Variants in PCMTD1 observed in about 807,000 individuals in gnomAD.
The protein encoded by PCMTD1 is protein-L-isoaspartate O-methyltransferase domain-containing protein 1.
PCMTD1 carries 12 observed loss-of-function variants against 37.6 expected under a neutral mutation model. That is an observed-to-expected ratio of 0.32 (90% confidence interval 0.20 to 0.52). The LOEUF is 0.52. PCMTD1 is among the 20% of genes least tolerant of loss of function. PCMTD1 has a pLI of 0.97. For missense variants in PCMTD1, 235 were observed against 421.3 expected (o/e 0.56, Z 3.87); for synonymous variants, 117 against 135.8 (o/e 0.86, Z 0.96).
In PCMTD1 at chr8:51,820,671, G is replaced by A. The variant is rs75748152; in HGVS notation, c.754C>T (p.Arg252Ter). ...TTTATGAAATTTCTAAGTGTGCGTCGAATGTAAATACGAGCCAAGTCCTGT... is the reference window on the plus strand; with the variant it reads ...TTTATGAAATTTCTAAGTGTGCGTCAAATGTAAATACGAGCCAAGTCCTGT... Reference protein sequence around the residue: ...NLQDLARIYIRRTLRNFINDE... With the variant: ...NLQDLARIYI The change falls in exon 6 of 6, where the codon CGA becomes TGA. Residue 252 changes from arginine (R) to a stop codon, truncating the protein, a stop_gained. Coordinates refer to ENST00000522514, the MANE Select transcript of PCMTD1 (RefSeq NM_052937.4). LOFTEE classifies it high-confidence loss of function. 1.9e-6 allele frequency: 3 copies of A among 1,613,494 alleles called. No homozygotes were observed. The highest frequency in any genetic ancestry group is 1.1e-5 in the South Asian group (1 of 90,930).
chr8:51,833,042 G>A (rs201309628), intron 4 of PCMTD1, among the ~76,000 whole-genome samples: 81 of 152,202 alleles, frequency 5.3e-4, no homozygotes, highest in East Asian at 4.1e-3. Context: ...ACGGGGTTTC[G>A]CCATGTTGCC....
chr8:51,877,730 C>T (rs180856854), intron 1 of PCMTD1, among the ~76,000 whole-genome samples: 1 of 152,214 alleles, frequency 6.6e-6, no homozygotes, highest in East Asian at 1.9e-4. Flanking sequence ...GATATTATTC[C>T]TGGACTAGAT....
At chr8:51,821,969 T>G (rs1002455083) in intron 5 of PCMTD1, among the ~76,000 whole-genome samples, 8 of 152,128 alleles carry the variant, frequency 5.3e-5, no homozygotes, top group African/African-American at 1.9e-4. Flanking sequence ...TCTCCTGACC[T>G]CGTGATCCGC....
chr8:51,847,841 G>A (rs993776955), intron 2 of PCMTD1, among the ~76,000 whole-genome samples: 1 of 152,082 alleles, frequency 6.6e-6, no homozygotes, highest in African/African-American at 2.4e-5. Flanking sequence ...ACTTTGGGAG[G>A]CCAAGGTGGG....
rs1441878084 is a variant in PCMTD1, at chr8:51,818,802, G to A, written c.*1549C>T. 1 of 152,304 alleles carries A rather than the reference G, an allele frequency of 6.6e-6. No individual in the cohort carries two copies. The highest frequency in any genetic ancestry group is 1.5e-5 in the Non-Finnish European group (1 of 68,062). The allele number at this position is 152,304 out of a possible 1,614,324, so 9.4% of individuals were successfully genotyped here. On this transcript the variant is annotated 3_prime_UTR_variant, in exon 6 of 6. Coordinates refer to ENST00000522514, the MANE Select transcript of PCMTD1 (RefSeq NM_052937.4). The stretch of plus-strand genomic sequence containing the variant: ...ACAAACATTTGTTTTTAGATGTTGT[G>A]GAATTACTGGAGCTGAGATTTCTGA...
At chr8:51,832,941 G>A (rs1383298992) in intron 4 of PCMTD1, among the ~76,000 whole-genome samples, 1 of 152,150 alleles carries the variant, frequency 6.6e-6, no homozygotes, top group Non-Finnish European at 1.5e-5. Flanking sequence ...AACCTCCCGG[G>A]CTCAAGTGAT....
At chr8:51,889,415 T>C (rs2038907542) in intron 1 of PCMTD1, among the ~76,000 whole-genome samples, 1 of 152,144 alleles carries the variant, frequency 6.6e-6, no homozygotes, top group Non-Finnish European at 1.5e-5. Flanking sequence ...TTTTTAGGGA[T>C]GGGAAACGAA....
intron 1 of PCMTD1, among the ~76,000 whole-genome samples, chr8:51,881,330 A>G (rs1397888806): frequency 1.3e-5 from 2 of 152,148 alleles, no homozygotes; most frequent in Non-Finnish European, 2.9e-5. Context: ...TCTTGTGTTT[A>G]TTTACCTCTG....
intron 1 of PCMTD1, among the ~76,000 whole-genome samples, chr8:51,863,332 C>G (rs1563352493): frequency 6.6e-6 from 1 of 152,118 alleles, no homozygotes; most frequent in African/African-American, 2.4e-5. Flanking sequence ...CCATTCAATT[C>G]AAAATTATCA....
At chr8:51,853,572 G>C (rs986062071) in intron 2 of PCMTD1, among the ~76,000 whole-genome samples, 1 of 152,020 alleles carries the variant, frequency 6.6e-6, no homozygotes, top group Non-Finnish European at 1.5e-5. Flanking sequence ...CATTGAATTA[G>C]CAAAAGATGA....
At chr8:51,894,617 G>C (rs1022916337) in intron 1 of PCMTD1, among the ~76,000 whole-genome samples, 4 of 152,188 alleles carry the variant, frequency 2.6e-5, no homozygotes, top group Non-Finnish European at 4.4e-5. Context: ...GGTTTGTTTT[G>C]TTTGCTTGTC....
chr8:51,879,189 A>G (rs1194623088), intron 1 of PCMTD1, among the ~76,000 whole-genome samples: 1 of 151,948 alleles, frequency 6.6e-6, no homozygotes, highest in Non-Finnish European at 1.5e-5. Flanking sequence ...TTCACAGTAT[A>G]TATGTCCTAA....
At chr8:51,827,259 T>C (rs1585785619) in intron 5 of PCMTD1, 5 of 1,196,430 alleles carry the variant, frequency 4.2e-6, no homozygotes, top group Non-Finnish European at 5.3e-6. Context: ...TACTGTTGGT[T>C]ACTGATGACT....
At chr8:51,828,314 T>C (rs1436248837) in intron 5 of PCMTD1, among the ~76,000 whole-genome samples, 1 of 152,206 alleles carries the variant, frequency 6.6e-6, no homozygotes, top group Non-Finnish European at 1.5e-5. Flanking sequence ...ATAATTCTAG[T>C]GTTTGAAAAC....
chr8:51,895,141 C>T (rs762709892), intron 1 of PCMTD1, among the ~76,000 whole-genome samples: 1 of 152,156 alleles, frequency 6.6e-6, no homozygotes, highest in Non-Finnish European at 1.5e-5. Flanking sequence ...AGGAAAAGAA[C>T]TAAACCTAAG....
At chr8:51,885,386 C>A (rs2038851182) in intron 1 of PCMTD1, among the ~76,000 whole-genome samples, 1 of 152,184 alleles carries the variant, frequency 6.6e-6, no homozygotes, top group Non-Finnish European at 1.5e-5. Context: ...ACTAAGAGTA[C>A]TGAGGGTGGC....
At chr8:51,898,812 T>C in intron 1 of PCMTD1, 118 bp downstream of exon 1, 2 of 969,526 alleles carry the variant, frequency 2.1e-6, no homozygotes, top group Non-Finnish European at 2.6e-6. Context: ...CCCCCGACTC[T>C]TCGGCTGCCG....
chr8:51,850,178 C>G, intron 2 of PCMTD1: 1 of 673,914 alleles, frequency 1.5e-6, no homozygotes, highest in Non-Finnish European at 2.7e-6. Flanking sequence ...TAAGACCAGT[C>G]ACTGTAAGAC....
rs1451594537 is a variant in PCMTD1 at position 51,898,971 on chromosome 8, C to T, written c.-137G>A. The T allele has an allele frequency of 8.0e-6, 12 of 1,491,784 alleles. No homozygotes were observed. The highest frequency in any genetic ancestry group is 2.8e-5 in the East Asian group (1 of 36,230). The allele number at this position is 1,491,784 out of a possible 1,614,324, so 92.4% of individuals were successfully genotyped here. A position where few individuals can be genotyped will look rare whatever the true frequency, so the allele number is the denominator to read the frequency against. On this transcript the variant is annotated 5_prime_UTR_variant, in exon 1 of 6. Transcript: ENST00000522514. ...GGCGCGCAGGCCAGGCGCTAGGACT[C>T]GGCGGGGTCCGCAGCAGCCAGACGC...
Sources: gnomAD v4.1 joint callset for allele counts (sites outside exome capture counted in the v4.1 genomes callset) on GRCh38, gnomAD v4.1.1 for gene constraint, MANE v1.5 for transcripts, NCBI Gene and HGNC (gene_info 2026-07-23, HGNC 2026-07-21) for gene names.